Variants in NWD2 observed in about 807,000 individuals in gnomAD.
NWD2 encodes NACHT and WD repeat domain containing 2, also known as NACHT and WD repeat domain-containing protein 2.
In NWD2, 37 loss-of-function variants were observed where a neutral mutation model predicts 132.7. That is an observed-to-expected ratio of 0.28 (90% CI 0.21 to 0.37). NWD2 has a LOEUF of 0.37. Ranked by LOEUF, NWD2 falls within the 10% of genes least tolerant of loss-of-function variation. NWD2 has a pLI of 1.00. For missense variants in NWD2, 1,592 were observed against 2,122.4 expected (o/e 0.75, Z 4.91); for synonymous variants, 705 against 803.0 (o/e 0.88, Z 2.06).
At chr4:37,407,789 C>T (rs895737829) in intron 3 of NWD2, among the ~76,000 whole-genome samples, 2 of 152,156 alleles carry the variant, frequency 1.3e-5, no homozygotes, top group Non-Finnish European at 2.9e-5. Flanking sequence ...CCAGTGAGAT[C>T]GACAGAGAAG....
At chr4:37,280,426 A>T (rs1004236161) in intron 1 of NWD2, among the ~76,000 whole-genome samples, 1 of 152,106 alleles carries the variant, frequency 6.6e-6, no homozygotes, top group Non-Finnish European at 1.5e-5. Flanking sequence ...TTCAGACTGG[A>T]ACCACATGGA....
At chr4:37,311,082 C>T (rs910582283) in intron 1 of NWD2, among the ~76,000 whole-genome samples, 18 of 151,896 alleles carry the variant, frequency 1.2e-4, no homozygotes, top group Admixed American at 1.1e-3. Context: ...TGAATAGTGC[C>T]ACAATAAACA....
At chr4:37,293,036 C>T (rs9998737) in intron 1 of NWD2, among the ~76,000 whole-genome samples, 44,545 of 152,070 alleles carry the variant, frequency 0.29, 6,969 homozygotes, top group South Asian at 0.43. Context: ...AATCTATTTT[C>T]TGAAAATGTC....
intron 1 of NWD2, among the ~76,000 whole-genome samples, chr4:37,320,233 G>A (rs140824725): frequency 0.014 from 2,150 of 152,218 alleles, 29 homozygotes; most frequent in Non-Finnish European, 0.022. Context: ...TTGTGTGAGG[G>A]CAAAGTTCAG....
rs1022608565 is a variant in NWD2, at chr4:37,267,336, T to C, written c.151+22118T>C. On this transcript the variant is annotated intron_variant, in intron 1 of 6. Transcript: ENST00000309447. Reference sequence around the variant, plus strand: ...GCATATTAAGGCCTGTGACTCATAATAAGATGTTACTGCTTCAAAGAGGGA... The same window carrying C: ...GCATATTAAGGCCTGTGACTCATAACAAGATGTTACTGCTTCAAAGAGGGA... Among the ~76,000 whole-genome samples the C allele has an allele frequency of 2.0e-5, 3 of 151,980 alleles. No individual in the cohort carries two copies. In the East Asian group the frequency reaches 5.8e-4, roughly 29 times the overall value.
chr4:37,372,976 A>G (rs1720262111), intron 3 of NWD2, among the ~76,000 whole-genome samples: 1 of 152,250 alleles, frequency 6.6e-6, no homozygotes, highest in African/African-American at 2.4e-5. Context: ...AACGCAAAGA[A>G]AATTCACAAT....
chr4:37,340,216 G>A (rs887595188), intron 2 of NWD2, among the ~76,000 whole-genome samples: 1 of 151,996 alleles, frequency 6.6e-6, no homozygotes, highest in Non-Finnish European at 1.5e-5. Context: ...AATTCTACAT[G>A]GGCAGACCAT....
chr4:37,307,769 A>C (rs2109279283), intron 1 of NWD2, among the ~76,000 whole-genome samples: 1 of 152,252 alleles, frequency 6.6e-6, no homozygotes, highest in South Asian at 2.1e-4. Flanking sequence ...ATATTTGTTT[A>C]CTTAATTATA....
intron 1 of NWD2, among the ~76,000 whole-genome samples, chr4:37,269,688 T>A (rs57857907): frequency 0.095 from 14,475 of 151,954 alleles, 753 homozygotes; most frequent in African/African-American, 0.1. Context: ...ATCCATAATT[T>A]GTTTTGTTTT....
chr4:37,272,575 T>C (rs531465049), intron 1 of NWD2, among the ~76,000 whole-genome samples: 1 of 151,936 alleles, frequency 6.6e-6, no homozygotes, highest in East Asian at 1.9e-4. Context: ...TTGTGCATAT[T>C]CGTTTTTTAT....
chr4:37,251,100 GA>G (rs908018757), intron 1 of NWD2, among the ~76,000 whole-genome samples: 6 of 152,294 alleles, frequency 3.9e-5, no homozygotes, highest in Admixed American at 3.9e-4. Flanking sequence ...CCAGCATGGT[GA>G]AACCCCGTCT....
intron 1 of NWD2, among the ~76,000 whole-genome samples, chr4:37,274,729 C>T (rs1461511170): frequency 6.6e-6 from 1 of 151,910 alleles, no homozygotes; most frequent in Non-Finnish European, 1.5e-5. Context: ...AAAGCTTATC[C>T]ACCATGATCA....
chr4:37,398,415 A>G (rs191361276), intron 3 of NWD2, among the ~76,000 whole-genome samples: 87 of 152,346 alleles, frequency 5.7e-4, no homozygotes, highest in Admixed American at 4.3e-3. Flanking sequence ...GCACATGGAC[A>G]CAGGGAGGGG....
At chr4:37,425,407 T>A (rs1421972493) in intron 3 of NWD2, among the ~76,000 whole-genome samples, 1 of 152,220 alleles carries the variant, frequency 6.6e-6, no homozygotes, top group Non-Finnish European at 1.5e-5. Context: ...CTAGCTGATA[T>A]TATGTGTCTT....
intron 2 of NWD2, among the ~76,000 whole-genome samples, chr4:37,353,657 C>T (rs1230954333): frequency 6.6e-6 from 1 of 151,814 alleles, no homozygotes; most frequent in Non-Finnish European, 1.5e-5. Context: ...CTTGTGTATG[C>T]TTCACGAAGT....
intron 3 of NWD2, among the ~76,000 whole-genome samples, chr4:37,427,298 G>C (rs973127773): frequency 3.9e-5 from 6 of 152,154 alleles, no homozygotes; most frequent in African/African-American, 1.4e-4. Context: ...CTGACAAAGA[G>C]TGCTGAGTGT....
intron 1 of NWD2, among the ~76,000 whole-genome samples, chr4:37,310,536 TAAA>T (rs1033594312): frequency 3.3e-5 from 5 of 152,178 alleles, no homozygotes; most frequent in Non-Finnish European, 5.9e-5. Context: ...GAACCTCTTA[TAAA>T]ATATTGAATA....
At chr4:37,254,023 G>A (rs1027003438) in intron 1 of NWD2, among the ~76,000 whole-genome samples, 1 of 152,134 alleles carries the variant, frequency 6.6e-6, no homozygotes, top group African/African-American at 2.4e-5. Context: ...CACATAGAGG[G>A]CAACAACACA....
chr4:37,396,271 C>G (rs1720790361), intron 3 of NWD2, among the ~76,000 whole-genome samples: 1 of 152,184 alleles, frequency 6.6e-6, no homozygotes, highest in Admixed American at 6.5e-5. Context: ...CCACTCCTAC[C>G]CCAGCAATCC....
Sources: allele counts gnomAD v4.1 joint callset (sites outside exome capture counted in the v4.1 genomes callset), GRCh38; gene constraint gnomAD v4.1.1; transcripts MANE v1.5; gene names NCBI Gene and HGNC (gene_info 2026-07-23, HGNC 2026-07-21).